ADAMTS2: variants seen among roughly 807,000 people sequenced by gnomAD.
ADAMTS2 encodes the protein A disintegrin and metalloproteinase with thrombospondin motifs 2.
A neutral mutation model predicts 123.0 loss-of-function variants in ADAMTS2; 50 were observed. That is an observed-to-expected ratio of 0.41 (90% confidence interval 0.32 to 0.51). The LOEUF is 0.51. Ranked by LOEUF, ADAMTS2 falls within the 20% of genes least tolerant of loss-of-function variation. The pLI is 0.35. For missense variants in ADAMTS2, 1,494 were observed against 1,705.2 expected (o/e 0.88, Z 2.18); for synonymous variants, 678 against 695.4 (o/e 0.98, Z 0.39).
At position 179,117,932 on chromosome 5, in the gene ADAMTS2, AC is replaced by A. The variant is rs765002299; in HGVS notation, c.3179-3609del. 6.6e-6 allele frequency among the ~76,000 whole-genome samples: 1 copy of A among 152,090 alleles called. No homozygotes were observed. Among genetic ancestry groups the A allele is most frequent in the Non-Finnish European group, 1.5e-5 (1 of 68,014 alleles). ...GGCTCCAATGCCCAAAATATTGACT[AC>A]CTGGCCCTTTACAGAAAAGGTTGAC... On this transcript the variant is annotated intron_variant, in intron 21 of 21. Transcript: ENST00000251582. This position sits in a 1 kb window ranked among gnomAD's most constrained non-coding sequence, Gnocchi z 4.2.
chr5:179,274,359 G>A (rs775072164), intron 2 of ADAMTS2, among the ~76,000 whole-genome samples: 2 of 152,244 alleles, frequency 1.3e-5, no homozygotes, highest in Non-Finnish European at 2.9e-5. Context: ...TTAAGAAACA[G>A]GAGAGTTCAC....
rs776605625 is a variant in ADAMTS2 at position 179,127,984 on chromosome 5, A to C, written c.2592T>G (p.Ser864=). 1.3e-5 allele frequency: 21 copies of C among 1,613,958 alleles called. No homozygotes were observed. In the South Asian group the frequency reaches 2.3e-4, roughly 18 times the overall value. Residue 864 remains serine, a synonymous_variant, in exon 17 of 22, where the codon TCT becomes TCG. Coordinates refer to ENST00000251582, the MANE Select transcript of ADAMTS2 (RefSeq NM_014244.5). ...CTCCGCCACAGGGCTTGGAGCACGGAGACCACTTCTTCAGGGCCCACTCGT... is the reference window on the plus strand; with the variant it reads ...CTCCGCCACAGGGCTTGGAGCACGGCGACCACTTCTTCAGGGCCCACTCGT... The part of the protein sequence containing the change: ...VVYEWALKKW[S]PCSKPCGGGS...
In ADAMTS2 at chr5:179,307,421, C is replaced by T. The variant is rs1224743681; in HGVS notation, c.535-34357G>A. On this transcript the variant is annotated intron_variant, in intron 2 of 21. Coordinates refer to ENST00000251582, the MANE Select transcript of ADAMTS2 (RefSeq NM_014244.5). This position sits in a 1 kb window ranked among gnomAD's most constrained non-coding sequence, Gnocchi z 5.6. ...GCTCTGCCCATGAGCATTCAACAGC[C>T]CGGTCCGGGGGGCACCACCACGCAG... 6.6e-6 allele frequency among the ~76,000 whole-genome samples: 1 copy of T among 152,150 alleles called. No homozygotes were observed. Among genetic ancestry groups the T allele is most frequent in the Non-Finnish European group, 1.5e-5 (1 of 68,030 alleles).
chr5:179,233,893 G>A (rs993770054), intron 3 of ADAMTS2, among the ~76,000 whole-genome samples: 7 of 151,952 alleles, frequency 4.6e-5, no homozygotes, highest in African/African-American at 1.7e-4. Flanking sequence ...GGAATTCCTG[G>A]AACCCTGCAT....
intron 18 of ADAMTS2, 115 bp from the exon 19 acceptor site, chr5:179,125,295 C>A (rs1762834510): frequency 5.7e-6 from 5 of 876,290 alleles, no homozygotes; most frequent in Non-Finnish European, 9.3e-6. Flanking sequence ...AGAGGGCAGC[C>A]TGCACCCCTC....
chr5:179,223,915 T>C (rs1274611304), intron 3 of ADAMTS2, among the ~76,000 whole-genome samples: 3 of 152,166 alleles, frequency 2.0e-5, no homozygotes, highest in Non-Finnish European at 4.4e-5. Flanking sequence ...CCTTGACCCC[T>C]CTCTAAGTCC....
chr5:179,148,213 G>T (rs539013804), intron 10 of ADAMTS2, among the ~76,000 whole-genome samples: 55 of 152,086 alleles, frequency 3.6e-4, no homozygotes, highest in Non-Finnish European at 5.6e-4. Context: ...TTCCCTCCCT[G>T]CCCCTGTGCA....
chr5:179,328,628 A>G (rs1757377657), intron 2 of ADAMTS2, among the ~76,000 whole-genome samples: 1 of 152,244 alleles, frequency 6.6e-6, no homozygotes, highest in African/African-American at 2.4e-5. Flanking sequence ...AAAGATGTCT[A>G]AATTCTGAGA....
rs1238970084 is a variant in ADAMTS2, at chr5:179,260,109, A to G, written c.688+12802T>C. Among the ~76,000 whole-genome samples the G allele has an allele frequency of 6.6e-6, 1 of 152,182 alleles. No homozygotes were observed. Among genetic ancestry groups the G allele is most frequent in the Non-Finnish European group, 1.5e-5 (1 of 68,028 alleles). On this transcript the variant is annotated intron_variant, in intron 3 of 21. Transcript: ENST00000251582. The surrounding 1 kb of genome is among the most constrained non-coding windows in gnomAD (Gnocchi z 4.2). Reference sequence around the variant, plus strand: ...GAGGAAGTGGGACTAGCAAAGGCCCAGGGCCACCCAATGTCCCATGGGCCC... The same window carrying G: ...GAGGAAGTGGGACTAGCAAAGGCCCGGGGCCACCCAATGTCCCATGGGCCC...
At position 179,303,201 on chromosome 5, in the gene ADAMTS2, C is replaced by A. The variant is rs1756580716; in HGVS notation, c.535-30137G>T. On this transcript the variant is annotated intron_variant, in intron 2 of 21. Coordinates refer to ENST00000251582, the MANE Select transcript of ADAMTS2 (RefSeq NM_014244.5). The surrounding 1 kb of genome is among the most constrained non-coding windows in gnomAD (Gnocchi z 4.7). ...TCTCCCTCCCTCTCTCTATGAAATT[C>A]CTGTTCAGCAGGGATCTGCCTATGG... Among the ~76,000 whole-genome samples the A allele has an allele frequency of 6.6e-6, 1 of 152,138 alleles. No individual in the cohort carries two copies. The highest frequency in any genetic ancestry group is 1.5e-5 in the Non-Finnish European group (1 of 68,020).
At chr5:179,123,528 C>A (rs1179496759) in intron 19 of ADAMTS2, among the ~76,000 whole-genome samples, 5 of 152,242 alleles carry the variant, frequency 3.3e-5, no homozygotes, top group Non-Finnish European at 5.9e-5. Context: ...CAGGCTCAAG[C>A]AATCCTCCCA....
chr5:179,127,998 G>C lies in ADAMTS2; in HGVS notation c.2578C>G (p.Leu860Val). 1.2e-6 allele frequency: 2 copies of C among 1,614,042 alleles called. No individual in the cohort carries two copies. Among genetic ancestry groups the C allele is most frequent in the Non-Finnish European group, 1.7e-6 (2 of 1,180,034 alleles). Residue 860 changes from leucine (L) to valine (V), a missense_variant, in exon 17 of 22, where the codon CTG (leucine) becomes GTG (valine). Coordinates refer to ENST00000251582, the MANE Select transcript of ADAMTS2 (RefSeq NM_014244.5). ...TTGGAGCACGGAGACCACTTCTTCA[G>C]GGCCCACTCGTAGACCACAGAGTCC... Reference protein sequence around the residue: ...EEDSVVYEWALKKWSPCSKPC... With the variant: ...EEDSVVYEWAVKKWSPCSKPC...
In ADAMTS2 at chr5:179,344,055, T is replaced by C; in HGVS notation, c.246A>G (p.Ala82=). 6.2e-7 allele frequency: 1 copy of C among 1,612,202 alleles called. No homozygotes were observed. The change falls in exon 2 of 22, where the codon GCA becomes GCG. Residue 82 remains alanine, a synonymous_variant. Coordinates refer to ENST00000251582, the MANE Select transcript of ADAMTS2 (RefSeq NM_014244.5). The part of the protein sequence containing the change: ...SHVVSAATSR[A]GVRARRAAPV... ...GGGCGGCCCTGCGGGCTCGTACCCC[T>C]GCTCTGGACGTAGCTGCCGACACCA...
chr5:179,343,910 C>T lies in ADAMTS2; in HGVS notation c.391G>A (p.Val131Met). The stretch of plus-strand genomic sequence containing the variant: ...CACTCCATAGTGGCCCCGGGCGCCA[C>T]GAGGCGGGCGTTGGGCCGCAGCCGC... ...HLRLRPNARL[V>M]APGATMEWQG... is the part of the protein sequence containing the mutation. Residue 131 changes from valine to methionine, a missense_variant, in exon 2 of 22, where the codon GTG (valine) becomes ATG (methionine). By Grantham distance (21) the Val-to-Met change is conservative (BLOSUM62 1). Coordinates refer to ENST00000251582, the MANE Select transcript of ADAMTS2 (RefSeq NM_014244.5). 6.2e-7 allele frequency: 1 copy of T among 1,606,030 alleles called. No homozygotes were observed. Among genetic ancestry groups the T allele is most frequent in the Non-Finnish European group, 8.5e-7 (1 of 1,177,478 alleles).
In ADAMTS2 at chr5:179,155,111, G is replaced by A. The variant is rs1183639493; in HGVS notation, c.1133-192C>T. 6.6e-6 allele frequency among the ~76,000 whole-genome samples: 1 copy of A among 152,220 alleles called. No individual in the cohort carries two copies. The highest frequency in any genetic ancestry group is 1.5e-5 in the Non-Finnish European group (1 of 68,026). On this transcript the variant is annotated intron_variant, in intron 6 of 21. Transcript: ENST00000251582. This position sits in a 1 kb window ranked among gnomAD's most constrained non-coding sequence, Gnocchi z 5.1. The stretch of plus-strand genomic sequence containing the variant: ...CATAGCCTGTGACATCTGGCTGACA[G>A]CAGGCCCCCAGCCCGTCACCACACA...
At chr5:179,157,238 C>A (rs1188348894) in intron 6 of ADAMTS2, among the ~76,000 whole-genome samples, 1 of 152,164 alleles carries the variant, frequency 6.6e-6, no homozygotes, top group African/African-American at 2.4e-5. Context: ...GAGTGAGCCA[C>A]CACACCCAGC....
chr5:179,230,677 C>T lies in ADAMTS2; in HGVS notation c.689-22962G>A, dbSNP rs563327400. ...CACGCATGTACCTAAAACATACCAC[C>T]ATTCATGTACTGTCAGGCACTCTTT... On this transcript the variant is annotated intron_variant, in intron 3 of 21. Coordinates refer to ENST00000251582, the MANE Select transcript of ADAMTS2 (RefSeq NM_014244.5). Among the ~76,000 whole-genome samples, 3 of 152,282 alleles carry T rather than the reference C, an allele frequency of 2.0e-5. No individual in the cohort carries two copies. The South Asian group carries it at 6.2e-4, about 32-fold the overall frequency.
At chr5:179,236,651 C>T (rs1488556285) in intron 3 of ADAMTS2, among the ~76,000 whole-genome samples, 2 of 152,058 alleles carry the variant, frequency 1.3e-5, no homozygotes, top group African/African-American at 2.4e-5. Context: ...ATTAGCCAAA[C>T]GTAATGGGGT....
chr5:179,199,847 T>C (rs566370680), intron 4 of ADAMTS2, among the ~76,000 whole-genome samples: 32 of 152,336 alleles, frequency 2.1e-4, no homozygotes, highest in Middle Eastern at 3.4e-3. Context: ...CTCTAATATT[T>C]GCATTTAAAA....
Sources: allele counts gnomAD v4.1 joint callset (sites outside exome capture counted in the v4.1 genomes callset), GRCh38; gene constraint gnomAD v4.1.1; non-coding constraint Gnocchi (gnomAD v3.1); transcripts MANE v1.5; gene names NCBI Gene and HGNC (gene_info 2026-07-23, HGNC 2026-07-21).